SHISA9: variants seen among roughly 807,000 people sequenced by gnomAD.
SHISA9 encodes the protein protein shisa-9.
A neutral mutation model predicts 38.0 loss-of-function variants in SHISA9; 13 were observed. That is an observed-to-expected ratio of 0.34 (90% CI 0.22 to 0.54). The LOEUF is 0.54. Ranked by LOEUF, SHISA9 falls within the 20% of genes least tolerant of loss-of-function variation. The pLI, the probability that SHISA9 is intolerant of heterozygous loss-of-function variation, is 0.91. For missense variants in SHISA9, 538 were observed against 575.8 expected, an observed-to-expected ratio of 0.93 and a Z score of 0.67; for synonymous variants, 275 against 242.0, an observed-to-expected ratio of 1.14 and a Z score of -1.27.
the SHISA9 span, among the ~76,000 whole-genome samples, chr16:13,257,188 C>T: frequency 8.5e-5 from 13 of 152,150 alleles, no homozygotes; most frequent in African/African-American, 3.1e-4. Context: ...GGTAAGGAAC[C>T]ATCCCAGGAC....
chr16:13,544,447 T>C, the SHISA9 span, among the ~76,000 whole-genome samples: 10,036 of 144,052 alleles, frequency 0.07, 376 homozygotes, highest in Admixed American at 0.14. Context: ...TTTTTTTTTT[T>C]CCCCGCTGGA....
chr16:13,406,908 A>G, the SHISA9 span, among the ~76,000 whole-genome samples: 1 of 151,894 alleles, frequency 6.6e-6, no homozygotes, highest in Non-Finnish European at 1.5e-5. Flanking sequence ...ATCTCTACTA[A>G]AAATACAAAA....
At chr16:12,961,990 T>C (rs2071917730) in intron 2 of SHISA9, among the ~76,000 whole-genome samples, 1 of 152,186 alleles carries the variant, frequency 6.6e-6, no homozygotes, top group South Asian at 2.1e-4. Context: ...GGGATCAGTG[T>C]CTGTCCCTGT....
intron 4 of SHISA9, among the ~76,000 whole-genome samples, chr16:13,225,099 A>T (rs915982098): frequency 6.6e-6 from 1 of 152,132 alleles, no homozygotes; most frequent in Non-Finnish European, 1.5e-5. Context: ...ACATAAACAC[A>T]CGCACACACA....
the SHISA9 span, among the ~76,000 whole-genome samples, chr16:13,388,913 T>C: frequency 6.6e-6 from 1 of 152,074 alleles, no homozygotes; most frequent in Non-Finnish European, 1.5e-5. Context: ...TTGTAAAAAA[T>C]TTTATAGACA....
At chr16:13,397,819 G>T in the SHISA9 span, among the ~76,000 whole-genome samples, 1,579 of 152,284 alleles carry the variant, frequency 0.01, 24 homozygotes, top group African/African-American at 0.035. Context: ...AAAGACAGAG[G>T]GCTTTCTGTA....
chr16:13,550,905 A>C, the SHISA9 span, among the ~76,000 whole-genome samples: 2 of 152,062 alleles, frequency 1.3e-5, no homozygotes, highest in African/African-American at 2.4e-5. Context: ...GGGCGGATCA[A>C]AAGGTCAGGC....
chr16:13,394,216 C>T, the SHISA9 span, among the ~76,000 whole-genome samples: 1 of 152,170 alleles, frequency 6.6e-6, no homozygotes, highest in African/African-American at 2.4e-5. Context: ...GTCCCAATGC[C>T]CAGCCTGGAT....
intron 2 of SHISA9, among the ~76,000 whole-genome samples, chr16:13,048,476 C>A (rs1457779023): frequency 6.6e-6 from 1 of 152,126 alleles, no homozygotes; most frequent in African/African-American, 2.4e-5. Flanking sequence ...GGCTGGGGTG[C>A]AATGGCATGA....
At chr16:12,986,969 A>G (rs949640705) in intron 2 of SHISA9, among the ~76,000 whole-genome samples, 2 of 152,318 alleles carry the variant, frequency 1.3e-5, no homozygotes, top group Non-Finnish European at 2.9e-5. Flanking sequence ...CACCTGAGTG[A>G]AATGTAGCTG....
intron 1 of SHISA9, among the ~76,000 whole-genome samples, chr16:12,904,225 G>A (rs1567333047): frequency 6.6e-6 from 1 of 152,188 alleles, no homozygotes; most frequent in Non-Finnish European, 1.5e-5. Flanking sequence ...CAGGACTGAG[G>A]CAGCGGGTGT....
chr16:13,381,797 G>C, the SHISA9 span, among the ~76,000 whole-genome samples: 1 of 152,262 alleles, frequency 6.6e-6, no homozygotes, highest in Non-Finnish European at 1.5e-5. Context: ...AGCAGGACTT[G>C]GGAAGGTTGG....
At chr16:13,557,599 A>G in the SHISA9 span, among the ~76,000 whole-genome samples, 1 of 152,182 alleles carries the variant, frequency 6.6e-6, no homozygotes, top group Admixed American at 6.5e-5. Flanking sequence ...CAGGTTATTT[A>G]TAGCCACTTC....
the SHISA9 span, among the ~76,000 whole-genome samples, chr16:13,425,689 C>CT: frequency 6.6e-6 from 1 of 152,082 alleles, no homozygotes; most frequent in African/African-American, 2.4e-5. Flanking sequence ...AAATAAATAC[C>CT]TTTTTAAAGA....
the SHISA9 span, among the ~76,000 whole-genome samples, chr16:13,374,882 A>C: frequency 3.9e-5 from 6 of 152,038 alleles, no homozygotes; most frequent in Non-Finnish European, 8.8e-5. Flanking sequence ...ATGGTATCTC[A>C]TTGTGGTTTT....
chr16:13,144,814 A>G (rs1251871571), intron 2 of SHISA9, among the ~76,000 whole-genome samples: 1 of 152,218 alleles, frequency 6.6e-6, no homozygotes, highest in African/African-American at 2.4e-5. Flanking sequence ...ATAGTGCCAA[A>G]AAATTAAGTT....
chr16:13,229,692 A>G (rs535130270), intron 4 of SHISA9, among the ~76,000 whole-genome samples: 2 of 152,206 alleles, frequency 1.3e-5, no homozygotes, highest in Non-Finnish European at 2.9e-5. Context: ...AGATGGAAGG[A>G]TATTTCTGCT....
chr16:13,181,304 T>C (rs397832183), intron 2 of SHISA9, among the ~76,000 whole-genome samples: 2 of 42,862 alleles, frequency 4.7e-5, no homozygotes, highest in East Asian at 7.5e-4. Context: ...TATATATATA[T>C]ATATATATAC....
At chr16:12,992,928 C>A (rs1430585688) in intron 2 of SHISA9, among the ~76,000 whole-genome samples, 1 of 152,230 alleles carries the variant, frequency 6.6e-6, no homozygotes, top group Non-Finnish European at 1.5e-5. Context: ...ATTATCACCC[C>A]ATTTTATAAC....
Sources: allele counts gnomAD v4.1 joint callset (sites outside exome capture counted in the v4.1 genomes callset), GRCh38; gene constraint gnomAD v4.1.1; transcripts MANE v1.5; gene names NCBI Gene and HGNC (gene_info 2026-07-23, HGNC 2026-07-21).